Variants in TRIM24 observed in about 807,000 individuals in gnomAD.
The protein encoded by TRIM24 is tripartite motif containing 24, also known as transcription intermediary factor 1-alpha.
Under a neutral mutation model 123.9 loss-of-function variants are expected in TRIM24, and 29 were observed. That is an observed-to-expected ratio of 0.23 (90% CI 0.17 to 0.32). TRIM24 has a LOEUF of 0.32. Ranked by LOEUF, TRIM24 falls within the 10% of genes least tolerant of loss-of-function variation. The pLI is 1.00. For missense variants in TRIM24, 932 were observed against 1,295.3 expected (o/e 0.72, Z 4.31); for synonymous variants, 456 against 461.1 (o/e 0.99, Z 0.14).
rs138135464 is a variant in TRIM24 at position 138,585,021 on chromosome 7, T to TAAC, written c.*72_*74dup. 1,392 of 1,309,850 alleles carry TAAC rather than the reference T, an allele frequency of 1.1e-3. 8 individuals are homozygous for TAAC. The African/African-American group carries it at 0.018, about 17-fold the overall frequency. 81.1% of individuals were successfully genotyped at this position (1,309,850 alleles called of 1,614,324 possible). ...TTCAAAAAAACATTTGTCAGTAATT[T>TAAC]AACATCACTACAAAAAGAAGAGTTT... On this transcript the variant is annotated 3_prime_UTR_variant, in exon 19 of 19. Transcript: ENST00000343526.
intron 12 of TRIM24, among the ~76,000 whole-genome samples, 176 bp downstream of exon 12, chr7:138,573,818 T>C (rs1797703691): frequency 6.6e-6 from 1 of 152,114 alleles, no homozygotes; most frequent in African/African-American, 2.4e-5. Context: ...CTTTCTTTCT[T>C]TTGAGTCACA....
At chr7:138,574,793 T>C (rs1797722924) in intron 12 of TRIM24, among the ~76,000 whole-genome samples, 1 of 152,188 alleles carries the variant, frequency 6.6e-6, no homozygotes, top group South Asian at 2.1e-4. Context: ...GTGGGCAAAG[T>C]ACCTTATATG....
At chr7:138,579,556 C>A in intron 15 of TRIM24, 24 bp downstream of exon 15, 1 of 1,517,994 alleles carries the variant, frequency 6.6e-7, no homozygotes, top group Non-Finnish European at 8.9e-7. Context: ...TCCCTTCCCA[C>A]ATTCTTTTAC....
chr7:138,564,811 C>T (rs886631653), intron 9 of TRIM24, among the ~76,000 whole-genome samples: 20 of 152,286 alleles, frequency 1.3e-4, no homozygotes, highest in African/African-American at 3.6e-4. Flanking sequence ...AACTTCATCC[C>T]GTAATCCCCT....
chr7:138,570,892 C>T lies in TRIM24; in HGVS notation c.1767C>T (p.Ser589=). 6.2e-7 allele frequency: 1 copy of T among 1,614,154 alleles called. No homozygotes were observed. The highest frequency in any genetic ancestry group is 1.1e-5 in the South Asian group (1 of 91,082). Residue 589 remains serine (S), a synonymous_variant, in exon 11 of 19, where the codon TCC becomes TCT. Coordinates refer to ENST00000343526, the MANE Select transcript of TRIM24 (RefSeq NM_015905.3). ...CCAACAGCACATCCTCTACTCCTTC[C>T]AGCCCCACGATTACTAGTGCAGCAG... ...STTNSTSSTP[S]SPTITSAAGY...
chr7:138,535,296 G>T (rs1796844419), intron 6 of TRIM24, among the ~76,000 whole-genome samples: 1 of 152,180 alleles, frequency 6.6e-6, no homozygotes, highest in South Asian at 2.1e-4. Context: ...AGTTGATGCA[G>T]TTTCTTCCTA....
chr7:138,488,874 C>T (rs1197115698), intron 1 of TRIM24, among the ~76,000 whole-genome samples: 1 of 152,124 alleles, frequency 6.6e-6, no homozygotes, highest in Non-Finnish European at 1.5e-5. Flanking sequence ...CTGCTTGGTG[C>T]AAAGCTGAGT....
At chr7:138,513,052 AC>A (rs1003836843) in intron 2 of TRIM24, among the ~76,000 whole-genome samples, 15 of 152,326 alleles carry the variant, frequency 9.8e-5, no homozygotes, top group African/African-American at 3.4e-4. Flanking sequence ...TCAGAGTTCC[AC>A]AGATCCCTAA....
chr7:138,581,782 A>G lies in TRIM24; in HGVS notation c.2793+11A>G. 1.2e-6 allele frequency: 2 copies of G among 1,604,954 alleles called. No individual in the cohort carries two copies. The highest frequency in any genetic ancestry group is 1.7e-6 in the Non-Finnish European group (2 of 1,173,060). The stretch of plus-strand genomic sequence containing the variant: ...CCTGTTCCTCTAACTGTAAGTATTA[A>G]TGTCATTTTCTGCATGTTTACACAG... On this transcript the variant is annotated intron_variant, in intron 17 of 18. Coordinates refer to ENST00000343526, the MANE Select transcript of TRIM24 (RefSeq NM_015905.3).
rs188786914 is a variant in TRIM24 at position 138,533,598 on chromosome 7, G to A, written c.996+4368G>A. Reference sequence around the variant, plus strand: ...TCATGGTGAATAAGCTTTTTGATGTGCTGCTGGATTCGATTTGCCAGTATT... The same window carrying A: ...TCATGGTGAATAAGCTTTTTGATGTACTGCTGGATTCGATTTGCCAGTATT... On this transcript the variant is annotated intron_variant, in intron 6 of 18. Coordinates refer to ENST00000343526, the MANE Select transcript of TRIM24 (RefSeq NM_015905.3). Among the ~76,000 whole-genome samples, 203 of 152,294 alleles carry A rather than the reference G, an allele frequency of 1.3e-3. 1 individual carries two copies. Among genetic ancestry groups the A allele is most frequent in the African/African-American group, 4.5e-3 (189 of 41,560 alleles).
intron 1 of TRIM24, among the ~76,000 whole-genome samples, chr7:138,484,763 T>G (rs1795608574): frequency 6.6e-6 from 1 of 152,158 alleles, no homozygotes; most frequent in Non-Finnish European, 1.5e-5. Context: ...TTACAATCCC[T>G]GTGTAAGTTT....
rs144295086 is a variant in TRIM24, at chr7:138,487,645, G to A, written c.365-16645G>A. ...TGGTTCTGTTTATGTGATGGATTAC[G>A]TTTCTCAATATGCATATGTTGAGCC... On this transcript the variant is annotated intron_variant, in intron 1 of 18. Transcript: ENST00000343526. Among the ~76,000 whole-genome samples, 1,145 of 152,166 alleles carry A rather than the reference G, an allele frequency of 7.5e-3. 12 individuals are homozygous for A. The highest frequency in any genetic ancestry group is 0.045 in the South Asian group (217 of 4,814).
At chr7:138,569,398 T>TA (rs1797606931) in intron 10 of TRIM24, among the ~76,000 whole-genome samples, 2 of 152,222 alleles carry the variant, frequency 1.3e-5, no homozygotes, top group Admixed American at 6.5e-5. Context: ...TTTAACAAAT[T>TA]AGAGTATACT....
At chr7:138,579,641 A>G in intron 15 of TRIM24, 109 bp downstream of exon 15, 1 of 855,730 alleles carries the variant, frequency 1.2e-6, no homozygotes, top group Admixed American at 2.8e-5. Flanking sequence ...GCACAAGTGT[A>G]TACTCCAAAA....
At chr7:138,546,909 A>C (rs1316099710) in intron 7 of TRIM24, among the ~76,000 whole-genome samples, 1 of 152,348 alleles carries the variant, frequency 6.6e-6, no homozygotes, top group Non-Finnish European at 1.5e-5. Context: ...TAGAAGTATC[A>C]TGATCCAGCA....
intron 14 of TRIM24, among the ~76,000 whole-genome samples, chr7:138,578,799 G>GA (rs1797828796): frequency 6.6e-6 from 1 of 152,094 alleles, no homozygotes; most frequent in Non-Finnish European, 1.5e-5. Context: ...GAAAACATTT[G>GA]AAGGAGATTG....
intron 1 of TRIM24, among the ~76,000 whole-genome samples, chr7:138,483,601 C>T (rs574511441): frequency 8.1e-4 from 123 of 152,116 alleles, no homozygotes; most frequent in African/African-American, 2.9e-3. Flanking sequence ...TGAGGTTGGC[C>T]CAATACATAA....
intron 6 of TRIM24, among the ~76,000 whole-genome samples, chr7:138,533,676 C>CT (rs1315723298): frequency 6.6e-6 from 1 of 152,090 alleles, no homozygotes; most frequent in Non-Finnish European, 1.5e-5. Context: ...CTAAAATTCT[C>CT]TTTTTTTGTT....
intron 1 of TRIM24, among the ~76,000 whole-genome samples, chr7:138,462,673 C>T (rs1248644844): frequency 6.6e-6 from 1 of 151,748 alleles, no homozygotes; most frequent in Non-Finnish European, 1.5e-5. Context: ...TTATGCTGTT[C>T]CTGTGAGTAA....
Sources: allele counts gnomAD v4.1 joint callset (sites outside exome capture counted in the v4.1 genomes callset), GRCh38; gene constraint gnomAD v4.1.1; transcripts MANE v1.5; gene names NCBI Gene and HGNC (gene_info 2026-07-23, HGNC 2026-07-21).